The following ESCO2 variants were observed in gnomAD, a reference collection of about 807,000 sequenced individuals.
The protein encoded by ESCO2 is N-acetyltransferase ESCO2.
A neutral mutation model predicts 61.7 loss-of-function variants in ESCO2; 51 were observed. That is an observed-to-expected ratio of 0.83 (90% CI 0.66 to 1.04). The LOEUF is 1.04. ESCO2 is among the 50% of genes least tolerant of loss of function. ESCO2 has a pLI of 0.00. For synonymous variants in ESCO2, 230 were observed against 238.2 expected, an observed-to-expected ratio of 0.97 and a Z score of 0.32; for missense variants, 692 against 686.2, an observed-to-expected ratio of 1.01 and a Z score of -0.09.
Position 27,776,619 on chromosome 8 carries a change from A to G in ESCO2, c.311A>G (p.Glu104Gly). ...CCACTGGAGAGAAAGCTGATAAAAGAGAGTAGATCTACTTGTCTAAAAACT... is the reference window on the plus strand; with the variant it reads ...CCACTGGAGAGAAAGCTGATAAAAGGGAGTAGATCTACTTGTCTAAAAACT... The part of the protein sequence containing the change: ...LNPLERKLIK[E>G]SRSTCLKTND... The change falls in exon 3 of 11, where the codon GAG becomes GGG. Residue 104 changes from glutamate to glycine, a missense_variant. Transcript: ENST00000305188. 6.2e-7 allele frequency: 1 copy of G among 1,614,152 alleles called. No homozygotes were observed. Among genetic ancestry groups the G allele is most frequent in the Non-Finnish European group, 8.5e-7 (1 of 1,180,030 alleles).
Position 27,803,983 on chromosome 8 carries a change from C to T in ESCO2, c.*545C>T. On this transcript the variant is annotated 3_prime_UTR_variant, in exon 11 of 11. Transcript: ENST00000305188. ...CTGAAACTTTTGGGCTCAAGCGATC[C>T]TCCCAAAACGCTGGGATTACAGTCA... The T allele has an allele frequency of 1.0e-6, 1 of 987,248 alleles. No individual in the cohort carries two copies. Among genetic ancestry groups the T allele is most frequent in the Non-Finnish European group, 1.2e-6 (1 of 831,486 alleles). 61.2% of individuals were successfully genotyped at this position (987,248 alleles called of 1,614,324 possible). A position where few individuals can be genotyped will look rare whatever the true frequency, so the allele number is the denominator to read the frequency against.
At chr8:27,816,343 C>CATA (rs1554559819), downstream of ESCO2, among the ~76,000 whole-genome samples, 9 of 136,356 alleles carry the variant, frequency 6.6e-5, no homozygotes, top group African/African-American at 2.6e-4. Flanking sequence ...TCATCGAATA[C>CATA]TATATATATA....
At chr8:27,772,549 G>C, upstream of ESCO2, 6 of 1,549,280 alleles carry the variant, frequency 3.9e-6, no homozygotes, top group Non-Finnish European at 5.2e-6. Flanking sequence ...ATGATCCCGG[G>C]AGCGGTGCGG....
chr8:27,772,988 C>T (rs1233072262), upstream of ESCO2, among the ~76,000 whole-genome samples: 3 of 152,106 alleles, frequency 2.0e-5, no homozygotes, highest in Non-Finnish European at 4.4e-5. Flanking sequence ...TGGCTTAAAT[C>T]GAAGGCCTGC....
At position 27,776,991 on chromosome 8, in the gene ESCO2, C is replaced by G; in HGVS notation, c.683C>G (p.Pro228Arg). 6.2e-7 allele frequency: 1 copy of G among 1,612,898 alleles called. No individual in the cohort carries two copies. Among genetic ancestry groups the G allele is most frequent in the East Asian group, 2.2e-5 (1 of 44,858 alleles). The change falls in exon 3 of 11, where the codon CCG becomes CGG. Residue 228 changes from proline (P) to arginine (R), a missense_variant. Transcript: ENST00000305188. ...AGAAAATCGTCCCTGGAAAATGAGC[C>G]GTCACTGGGACGCACCCAAAAGAGT... Reference protein sequence around the residue: ...SLRKSSLENEPSLGRTQKSKS... With the variant: ...SLRKSSLENERSLGRTQKSKS...
In ESCO2 at chr8:27,789,052, A is replaced by G. The variant is rs1196840431; in HGVS notation, c.1263+74A>G. On this transcript the variant is annotated intron_variant, in intron 7 of 10. Coordinates refer to ENST00000305188, the MANE Select transcript of ESCO2 (RefSeq NM_001017420.3). ...GAGACATTTCTTTTCCACCACCTCT[A>G]CCACCCAGCCGGAAAAGTTAACTTT... 1.6e-5 allele frequency: 26 copies of G among 1,582,410 alleles called. No individual in the cohort carries two copies. In the East Asian group the frequency reaches 2.7e-4, roughly 16 times the overall value.
At chr8:27,796,204 T>G (rs921680656) in intron 9 of ESCO2, among the ~76,000 whole-genome samples, 2 of 152,020 alleles carry the variant, frequency 1.3e-5, no homozygotes, top group Non-Finnish European at 2.9e-5. Context: ...TTCTTATAGG[T>G]TACCTAATTT....
chr8:27,789,905 A>G (rs1391615423), intron 7 of ESCO2, among the ~76,000 whole-genome samples: 1 of 152,156 alleles, frequency 6.6e-6, no homozygotes, highest in Non-Finnish European at 1.5e-5. Context: ...TTTCCTATAT[A>G]TGTGCATATA....
At chr8:27,819,087 C>G in the ESCO2 span, among the ~76,000 whole-genome samples, 3 of 152,140 alleles carry the variant, frequency 2.0e-5, no homozygotes, top group Non-Finnish European at 4.4e-5. Context: ...AGTATCATCG[C>G]TTTAATTACT....
downstream of ESCO2, chr8:27,811,434 G>A: frequency 2.0e-6 from 1 of 493,628 alleles, no homozygotes; most frequent in South Asian, 2.2e-5. Context: ...GCCTTGCTTG[G>A]GTTGGTTCAA....
chr8:27,782,238 C>T (rs1037327797), intron 4 of ESCO2, among the ~76,000 whole-genome samples: 2 of 152,060 alleles, frequency 1.3e-5, no homozygotes, highest in African/African-American at 4.8e-5. Flanking sequence ...TTAATTCATA[C>T]CCCTGTGAGA....
chr8:27,792,637 A>G (rs1205308414), intron 8 of ESCO2, 31 bp from the exon 9 acceptor site: 3 of 1,606,364 alleles, frequency 1.9e-6, no homozygotes, highest in East Asian at 4.5e-5. Context: ...TTTTTAAAAC[A>G]TTCACCTGTC....
At chr8:27,810,814 A>G, downstream of ESCO2, 3 of 647,732 alleles carry the variant, frequency 4.6e-6, no homozygotes, top group Non-Finnish European at 7.9e-6. Flanking sequence ...CCTATTCTCA[A>G]TCTATGTCTC....
At chr8:27,789,048 C>G (rs1182973295) in intron 7 of ESCO2, 70 bp downstream of exon 7, 1 of 1,587,900 alleles carries the variant, frequency 6.3e-7, no homozygotes, top group Non-Finnish European at 8.6e-7. Flanking sequence ...TTTCCACCAC[C>G]TCTACCACCC....
upstream of ESCO2, among the ~76,000 whole-genome samples, chr8:27,773,925 C>A (rs1267923272): frequency 6.6e-6 from 1 of 152,118 alleles, no homozygotes; most frequent in Non-Finnish European, 1.5e-5. Context: ...GTTTTGGGTT[C>A]TCCGTTGTAT....
chr8:27,813,248 CAT>C (rs1805732249), downstream of ESCO2, among the ~76,000 whole-genome samples: 7 of 152,096 alleles, frequency 4.6e-5, no homozygotes, highest in South Asian at 1.5e-3. Context: ...TGTCCTGACT[CAT>C]AGGTGGGAAC....
intron 10 of ESCO2, among the ~76,000 whole-genome samples, chr8:27,802,607 CAAAAAAAAAAAAA>C (rs1188348304): frequency 6.8e-5 from 2 of 29,198 alleles, no homozygotes; most frequent in African/African-American, 1.8e-4. Flanking sequence ...GACTCTGTCT[CAAAAAAAAAAAAA>C]AAAAAAAAAA....
chr8:27,794,472 G>C (rs1446515556), intron 9 of ESCO2, among the ~76,000 whole-genome samples: 2 of 151,814 alleles, frequency 1.3e-5, no homozygotes, highest in Non-Finnish European at 2.9e-5. Context: ...CTTGGTATTG[G>C]GTTATTTATA....
In ESCO2 at chr8:27,776,590, C is replaced by T. The variant is rs769745092; in HGVS notation, c.282C>T (p.Leu94=). The T allele has an allele frequency of 5.0e-6, 8 of 1,614,122 alleles. No individual in the cohort carries two copies. The highest frequency in any genetic ancestry group is 6.8e-6 in the Non-Finnish European group (8 of 1,179,988). ...VSFYNQNKWY[L]NPLERKLIKE... Reference sequence around the variant, plus strand: ...TTTACAACCAAAATAAGTGGTACCTCAATCCACTGGAGAGAAAGCTGATAA... The same window carrying T: ...TTTACAACCAAAATAAGTGGTACCTTAATCCACTGGAGAGAAAGCTGATAA... Residue 94 remains leucine (L), a synonymous_variant, in exon 3 of 11, where the codon CTC becomes CTT. Coordinates refer to ENST00000305188, the MANE Select transcript of ESCO2 (RefSeq NM_001017420.3).
Sources: allele counts gnomAD v4.1 joint callset (sites outside exome capture counted in the v4.1 genomes callset), GRCh38; gene constraint gnomAD v4.1.1; transcripts MANE v1.5; gene names NCBI Gene and HGNC (gene_info 2026-07-23, HGNC 2026-07-21).